CDH23: variants seen among roughly 807,000 people sequenced by gnomAD.
CDH23 encodes cadherin-23.
A neutral mutation model predicts 317.1 loss-of-function variants in CDH23; 189 were observed. The ratio of observed to expected loss-of-function variants is 0.60; its 90% CI spans 0.53 to 0.67. The LOEUF is 0.67. Among genes scored for constraint, CDH23 ranks in the 30% least tolerant of loss-of-function variants. The pLI, the probability that CDH23 is intolerant of heterozygous loss-of-function variation, is 0.00. For missense variants in CDH23, 4,401 were observed against 4,592.4 expected (o/e 0.96, Z 1.20); for synonymous variants, 1,839 against 1,876.8 (o/e 0.98, Z 0.52).
intron 14 of CDH23, among the ~76,000 whole-genome samples, chr10:71,651,545 C>A (rs1405371595): frequency 7.6e-6 from 1 of 131,682 alleles, no homozygotes; most frequent in African/African-American, 2.7e-5. Context: ...CAGAGTGAGA[C>A]CCTATCTCAA....
chr10:71,645,594 C>T (rs1210843124), intron 12 of CDH23: 29 of 712,492 alleles, frequency 4.1e-5, no homozygotes, highest in South Asian at 7.0e-5. Flanking sequence ...TGTGGGCATC[C>T]GACAGCACAA....
chr10:71,625,219 A>T (rs1230371735), intron 11 of CDH23, among the ~76,000 whole-genome samples: 2 of 151,520 alleles, frequency 1.3e-5, no homozygotes, highest in Non-Finnish European at 2.9e-5. Context: ...GACCTCCCAA[A>T]GGTTTGGTCC....
At chr10:71,421,808 G>A (rs1283474908) in intron 1 of CDH23, among the ~76,000 whole-genome samples, 3 of 151,850 alleles carry the variant, frequency 2.0e-5, no homozygotes, top group Non-Finnish European at 4.4e-5. Context: ...AGAGGCTGGT[G>A]TGGTGGATTG....
chr10:71,769,086 C>G, intron 38 of CDH23, among the ~76,000 whole-genome samples: 1 of 152,336 alleles, frequency 6.6e-6, no homozygotes, highest in South Asian at 2.1e-4. Flanking sequence ...TGCCTGGCCA[C>G]GTCTACCACA....
intron 9 of CDH23, among the ~76,000 whole-genome samples, chr10:71,612,903 C>T (rs903558549): frequency 2.0e-5 from 3 of 152,250 alleles, no homozygotes; most frequent in African/African-American, 4.8e-5. Context: ...GGCTGGAGTG[C>T]AGTGGTGTGA....
intron 3 of CDH23, among the ~76,000 whole-genome samples, chr10:71,495,738 G>A (rs1852922159): frequency 6.6e-6 from 1 of 151,432 alleles, no homozygotes; most frequent in Non-Finnish European, 1.5e-5. Flanking sequence ...TTGGGAGGCT[G>A]AGACAGGAGG....
chr10:71,548,218 G>A (rs1244834159), intron 6 of CDH23, among the ~76,000 whole-genome samples: 6 of 152,214 alleles, frequency 3.9e-5, no homozygotes, highest in Non-Finnish European at 5.9e-5. Context: ...GAGTAAATAC[G>A]TGTTTGCCAC....
intron 8 of CDH23, among the ~76,000 whole-genome samples, chr10:71,571,644 G>A (rs541596511): frequency 2.1e-4 from 32 of 152,328 alleles, no homozygotes; most frequent in East Asian, 9.6e-4. Flanking sequence ...CCATTCGTGC[G>A]TCTGTGCAAA....
intron 11 of CDH23, 130 bp downstream of exon 11, chr10:71,617,523 G>A: frequency 6.6e-7 from 1 of 1,505,442 alleles, no homozygotes; most frequent in Non-Finnish European, 8.9e-7. Context: ...GGTAGGTTCT[G>A]AGGATAAATA....
chr10:71,794,651 G>T (rs937385635), intron 48 of CDH23: 2 of 152,226 alleles, frequency 1.3e-5, no homozygotes, highest in African/African-American at 2.4e-5. Flanking sequence ...TTTTTCACAC[G>T]TGATTAGTGG....
At chr10:71,402,490 T>G (rs1020074522) in intron 1 of CDH23, among the ~76,000 whole-genome samples, 2 of 152,224 alleles carry the variant, frequency 1.3e-5, no homozygotes, top group African/African-American at 4.8e-5. Context: ...ATTTTTCAAT[T>G]GCCCTATAGG....
chr10:71,741,625 A>G (rs560832558), intron 37 of CDH23, 69 bp from the exon 38 acceptor site: 3 of 1,381,848 alleles, frequency 2.2e-6, no homozygotes, highest in Non-Finnish European at 3.0e-6. Context: ...TTCGGGCTAC[A>G]GGAGCAGGTG....
In CDH23 at chr10:71,690,367, T is replaced by C. The variant is rs1865140251; in HGVS notation, c.2060-101T>C. On this transcript the variant is annotated intron_variant, in intron 19 of 69. Transcript: ENST00000224721. ...TGGTCACTGGGAGGGTCCCACGTCC[T>C]CCTCTTGGGCCAGCGCAAATGCTGC... 4 of 785,472 alleles carry C rather than the reference T, an allele frequency of 5.1e-6. No homozygotes were observed. The South Asian group carries it at 7.4e-5, about 15-fold the overall frequency. The allele number at this position is 785,472 out of a possible 1,614,324, so 48.7% of individuals were successfully genotyped here.
intron 14 of CDH23, chr10:71,647,162 A>C: frequency 4.5e-6 from 4 of 898,834 alleles, no homozygotes; most frequent in Non-Finnish European, 4.0e-6. Flanking sequence ...CATGTAACTC[A>C]AAAGTATAAG....
intron 14 of CDH23, among the ~76,000 whole-genome samples, chr10:71,655,516 C>G (rs917125944): frequency 3.9e-5 from 6 of 152,172 alleles, no homozygotes; most frequent in Non-Finnish European, 2.9e-5. Context: ...TGTCACCTCT[C>G]GAGTTCCTCT....
chr10:71,675,174 C>G lies in CDH23; in HGVS notation c.1512C>G (p.Asp504Glu), dbSNP rs987739864. The change falls in exon 15 of 70, where the codon GAC becomes GAG. Residue 504 changes from aspartate (D) to glutamate (E), a missense_variant and splice_region_variant. Transcript: ENST00000224721. ...GCTACTTCTTCAGTGATGACCCTGA[C>G]AGGTGAGACTCTGCCCACAGCCCCT... Reference protein sequence around the residue: ...EVSYFFSDDPDRFSLDKDTGL... With the variant: ...EVSYFFSDDPERFSLDKDTGL... 3.7e-6 allele frequency: 6 copies of G among 1,613,376 alleles called. No individual in the cohort carries two copies. The highest frequency in any genetic ancestry group is 5.1e-6 in the Non-Finnish European group (6 of 1,179,452).
chr10:71,642,844 T>C (rs1235412411), intron 11 of CDH23, among the ~76,000 whole-genome samples: 1 of 152,154 alleles, frequency 6.6e-6, no homozygotes, highest in Non-Finnish European at 1.5e-5. Context: ...GAAGAGCTGC[T>C]GAAGCCCAGG....
chr10:71,792,972 A>G (rs1841303478), intron 47 of CDH23, among the ~76,000 whole-genome samples: 1 of 151,092 alleles, frequency 6.6e-6, no homozygotes, highest in African/African-American at 2.4e-5. Context: ...ACTAATTATT[A>G]CATTATAAAA....
At chr10:71,738,463 G>C in intron 34 of CDH23, 35 bp from the exon 35 acceptor site, 1 of 1,613,698 alleles carries the variant, frequency 6.2e-7, no homozygotes, top group Non-Finnish European at 8.5e-7. Flanking sequence ...AGGAGGGGAA[G>C]GAGGCTGTAG....
Sources: gnomAD v4.1 joint callset for allele counts (sites outside exome capture counted in the v4.1 genomes callset) on GRCh38, gnomAD v4.1.1 for gene constraint, MANE v1.5 for transcripts, NCBI Gene and HGNC (gene_info 2026-07-23, HGNC 2026-07-21) for gene names.